Variants in ELOVL7 observed in about 807,000 individuals in gnomAD.
The protein encoded by ELOVL7 is very long chain fatty acid elongase 7.
ELOVL7 carries 27 observed loss-of-function variants against 35.7 expected under a neutral mutation model. The observed-to-expected ratio is 0.76, with a 90% CI of 0.56 to 1.04. The LOEUF (loss-of-function observed/expected upper bound fraction) is 1.04. Ranked by LOEUF, ELOVL7 falls within the 50% of genes least tolerant of loss-of-function variation. The probability of loss-of-function intolerance (pLI) is 0.00; values close to 1 mark genes in which losing one functional copy is unlikely to be tolerated. For synonymous variants in ELOVL7, 113 were observed against 114.6 expected (o/e 0.99, Z 0.09); for missense variants, 327 against 340.8 (o/e 0.96, Z 0.32).
At chr5:60,766,699 G>A in intron 5 of ELOVL7, 69 bp from the exon 6 acceptor site, 1 of 1,381,134 alleles carries the variant, frequency 7.2e-7, no homozygotes, top group Admixed American at 1.9e-5. Flanking sequence ...TTAAATTTTG[G>A]TAAAATATGC....
chr5:60,754,898 T>A, intron 8 of ELOVL7, 65 bp from the exon 9 acceptor site: 1 of 1,376,684 alleles, frequency 7.3e-7, no homozygotes, highest in Non-Finnish European at 1.0e-6. Flanking sequence ...TTTACCTACC[T>A]ATGTTTATGC....
chr5:60,832,856 T>G (rs1400382861), intron 1 of ELOVL7, among the ~76,000 whole-genome samples: 3 of 152,158 alleles, frequency 2.0e-5, no homozygotes, highest in Non-Finnish European at 4.4e-5. Flanking sequence ...AGTCCATGGC[T>G]TGGGCTAGGT....
intron 8 of ELOVL7, among the ~76,000 whole-genome samples, chr5:60,755,146 C>T (rs561398605): frequency 4.9e-4 from 75 of 152,346 alleles, no homozygotes; most frequent in African/African-American, 1.8e-3. Flanking sequence ...CTCTAACAGT[C>T]TCTGACTTGA....
At chr5:60,805,624 A>T (rs1744880993) in intron 1 of ELOVL7, among the ~76,000 whole-genome samples, 1 of 152,300 alleles carries the variant, frequency 6.6e-6, no homozygotes, top group East Asian at 1.9e-4. Context: ...ACACTATTGC[A>T]TCTATTGGGA....
chr5:60,758,311 T>C (rs535180772), intron 7 of ELOVL7, among the ~76,000 whole-genome samples: 2 of 152,332 alleles, frequency 1.3e-5, no homozygotes, highest in African/African-American at 4.8e-5. Context: ...CCCATTCTCC[T>C]ATTGACAGAC....
chr5:60,762,299 CAAAAAAAAAAAAA>C (rs3030130), intron 7 of ELOVL7, among the ~76,000 whole-genome samples: 2 of 79,528 alleles, frequency 2.5e-5, no homozygotes, highest in Admixed American at 1.5e-4. Context: ...AACTCTGCCT[CAAAAAAAAAAAAA>C]AAAAAAAAAA....
At chr5:60,836,318 T>C (rs1000684226) in intron 1 of ELOVL7, among the ~76,000 whole-genome samples, 2 of 152,038 alleles carry the variant, frequency 1.3e-5, no homozygotes, top group African/African-American at 2.4e-5. Flanking sequence ...TAATTCGTCA[T>C]TGGACTCTGG....
intron 2 of ELOVL7, among the ~76,000 whole-genome samples, chr5:60,795,513 C>T (rs1449314458): frequency 2.0e-5 from 3 of 152,126 alleles, no homozygotes; most frequent in African/African-American, 7.2e-5. Flanking sequence ...TCTTTGGGTA[C>T]CCTCCCATTG....
In ELOVL7 at chr5:60,838,270, G is replaced by A. The variant is rs1171790102; in HGVS notation, c.-86+5890C>T. On this transcript the variant is annotated intron_variant, in intron 1 of 8. Coordinates refer to ENST00000508821, the MANE Select transcript of ELOVL7 (RefSeq NM_024930.3). ...TGATCGCACCTGCACTCTCTCCCTAGATTCTATTTCCCACTCCTCGTCCCA... is the reference window on the plus strand; with the variant it reads ...TGATCGCACCTGCACTCTCTCCCTAAATTCTATTTCCCACTCCTCGTCCCA... 2.6e-5 allele frequency among the ~76,000 whole-genome samples: 4 copies of A among 152,228 alleles called. No homozygotes were observed. The East Asian group carries it at 7.7e-4, about 29-fold the overall frequency.
intron 1 of ELOVL7, among the ~76,000 whole-genome samples, chr5:60,821,372 G>C (rs574240988): frequency 2.0e-5 from 3 of 152,092 alleles, no homozygotes; most frequent in Non-Finnish European, 2.9e-5. Context: ...TCAACCCCAC[G>C]TGACTCTCTA....
chr5:60,820,021 GGAA>G (rs886759695), intron 1 of ELOVL7, among the ~76,000 whole-genome samples: 1 of 152,198 alleles, frequency 6.6e-6, no homozygotes, highest in Non-Finnish European at 1.5e-5. Flanking sequence ...GTCTCTGGCT[GGAA>G]GAAGGAGGAT....
intron 7 of ELOVL7, among the ~76,000 whole-genome samples, chr5:60,762,516 GA>G (rs1292993227): frequency 1.3e-5 from 2 of 151,938 alleles, no homozygotes; most frequent in Admixed American, 6.6e-5. Context: ...TAGAGAAAGG[GA>G]CGGAAATAAA....
intron 1 of ELOVL7, among the ~76,000 whole-genome samples, chr5:60,839,625 T>C (rs1319988415): frequency 6.6e-6 from 1 of 152,266 alleles, no homozygotes; most frequent in Admixed American, 6.5e-5. Context: ...TGCTACGTGA[T>C]GTATCTTCTT....
intron 1 of ELOVL7, chr5:60,802,681 T>C (rs1744714471): frequency 6.6e-6 from 1 of 152,148 alleles, no homozygotes; most frequent in Non-Finnish European, 1.5e-5. Flanking sequence ...AAAGAGAAAA[T>C]CACTACTATA....
intron 7 of ELOVL7, among the ~76,000 whole-genome samples, chr5:60,761,095 C>T (rs1164458444): frequency 2.0e-5 from 3 of 152,112 alleles, no homozygotes; most frequent in African/African-American, 7.2e-5. Flanking sequence ...CTTTGGAAGG[C>T]TTTCCTAACA....
chr5:60,771,812 C>A (rs1742606649), intron 4 of ELOVL7, 91 bp downstream of exon 4: 3 of 988,040 alleles, frequency 3.0e-6, no homozygotes, highest in Non-Finnish European at 1.5e-6. Context: ...CCTTAAATTG[C>A]AAAGTTTACC....
intron 1 of ELOVL7, among the ~76,000 whole-genome samples, chr5:60,809,591 T>C (rs1484233491): frequency 1.3e-5 from 2 of 152,182 alleles, no homozygotes; most frequent in African/African-American, 4.8e-5. Context: ...AGAAAGAAGA[T>C]AGTAGAGTGA....
At chr5:60,839,198 A>C (rs1323211622) in intron 1 of ELOVL7, among the ~76,000 whole-genome samples, 1 of 151,902 alleles carries the variant, frequency 6.6e-6, no homozygotes, top group East Asian at 1.9e-4. Context: ...TAAATAAATA[A>C]TTAGCTGGGC....
chr5:60,822,679 A>G (rs1745954654), intron 1 of ELOVL7, among the ~76,000 whole-genome samples: 1 of 152,204 alleles, frequency 6.6e-6, no homozygotes, highest in Non-Finnish European at 1.5e-5. Flanking sequence ...ATGCATGAGA[A>G]CAATAGTGGT....
Sources: gnomAD v4.1 joint callset for allele counts (sites outside exome capture counted in the v4.1 genomes callset) on GRCh38, gnomAD v4.1.1 for gene constraint, MANE v1.5 for transcripts, NCBI Gene and HGNC (gene_info 2026-07-23, HGNC 2026-07-21) for gene names.